Variants in SCN8A observed in about 807,000 individuals in gnomAD.
SCN8A encodes sodium channel protein type 8 subunit alpha.
In SCN8A, 30 loss-of-function variants were observed where a neutral mutation model predicts 184.1. That is an observed-to-expected ratio of 0.16 (90% CI 0.12 to 0.22). SCN8A has a LOEUF of 0.22. Ranked by LOEUF, SCN8A falls within the 10% of genes least tolerant of loss-of-function variation. The probability of loss-of-function intolerance (pLI) is 1.00; values close to 1 mark genes in which losing one functional copy is unlikely to be tolerated. For synonymous variants in SCN8A, 852 were observed against 907.0 expected, an observed-to-expected ratio of 0.94 and a Z score of 1.09; for missense variants, 1,057 against 2,498.9, an observed-to-expected ratio of 0.42 and a Z score of 12.30.
At chr12:51,783,501 G>A (rs1013077229) in intron 21 of SCN8A, among the ~76,000 whole-genome samples, 5 of 152,108 alleles carry the variant, frequency 3.3e-5, no homozygotes, top group East Asian at 3.8e-4. Context: ...CCTGTCCTGG[G>A]GCACTGACTT....
chr12:51,604,833 CCA>C (rs1939550666), intron 1 of SCN8A, among the ~76,000 whole-genome samples: 2 of 152,018 alleles, frequency 1.3e-5, no homozygotes, highest in South Asian at 4.1e-4. Flanking sequence ...GTACCAGGCT[CCA>C]GTGTTTTTTT....
intron 16 of SCN8A, among the ~76,000 whole-genome samples, chr12:51,767,279 CA>C (rs1036570973): frequency 2.0e-5 from 3 of 152,174 alleles, no homozygotes; most frequent in Admixed American, 2.0e-4. Flanking sequence ...GTCTCAAAGA[CA>C]TCTCCCCATG....
intron 13 of SCN8A, among the ~76,000 whole-genome samples, chr12:51,749,214 A>G (rs1359161931): frequency 1.3e-5 from 2 of 152,160 alleles, no homozygotes; most frequent in African/African-American, 2.4e-5. Flanking sequence ...TAGGCGTGAA[A>G]GTTTATCCTG....
At chr12:51,712,137 A>G (rs1941888212) in intron 11 of SCN8A, among the ~76,000 whole-genome samples, 1 of 152,224 alleles carries the variant, frequency 6.6e-6, no homozygotes, top group Non-Finnish European at 1.5e-5. Flanking sequence ...TTTACAGGGC[A>G]ATATACCTGA....
chr12:51,739,412 C>A (rs1352555485), intron 12 of SCN8A, among the ~76,000 whole-genome samples: 1 of 152,104 alleles, frequency 6.6e-6, no homozygotes, highest in Non-Finnish European at 1.5e-5. Context: ...TCCGGGGGGT[C>A]ATTTTCTTCA....
chr12:51,716,194 C>T (rs1486918835), intron 11 of SCN8A, among the ~76,000 whole-genome samples: 4 of 151,960 alleles, frequency 2.6e-5, no homozygotes, highest in Non-Finnish European at 4.4e-5. Flanking sequence ...ATTAGCCAGG[C>T]GTGGTATGGC....
At chr12:51,602,120 T>C (rs1211255471) in intron 1 of SCN8A, among the ~76,000 whole-genome samples, 1 of 152,074 alleles carries the variant, frequency 6.6e-6, no homozygotes, top group Non-Finnish European at 1.5e-5. Context: ...TTGTGGGAAT[T>C]GAATGCTGAC....
At position 51,773,129 on chromosome 12, in the gene SCN8A, AAG is replaced by A. The variant is rs1039772771; in HGVS notation, c.3646-1054_3646-1053del. Among the ~76,000 whole-genome samples the A allele has an allele frequency of 3.3e-5, 5 of 152,118 alleles. No individual in the cohort carries two copies. The East Asian group carries it at 9.6e-4, about 29-fold the overall frequency. On this transcript the variant is annotated intron_variant, in intron 19 of 26. Transcript: ENST00000627620. Reference sequence around the variant, plus strand: ...GAGACTCCGTCTCCAAAAAAAAAAAAAGAGAGAAAGTGGAGCACCTGATATCC... The same window carrying A: ...GAGACTCCGTCTCCAAAAAAAAAAAAAGAGAAAGTGGAGCACCTGATATCC...
intron 1 of SCN8A, among the ~76,000 whole-genome samples, chr12:51,616,877 C>T (rs1271552121): frequency 6.6e-6 from 1 of 151,790 alleles, no homozygotes. Context: ...CATGATCATG[C>T]CACTGCACTC....
At chr12:51,705,355 A>C in intron 9 of SCN8A, 62 bp from the exon 10 acceptor site, 1 of 1,511,334 alleles carries the variant, frequency 6.6e-7, no homozygotes, top group South Asian at 1.2e-5. Flanking sequence ...TTGGCCCATT[A>C]GCTGTTTTCA....
At chr12:51,711,592 T>G (rs1401131313) in intron 11 of SCN8A, among the ~76,000 whole-genome samples, 2 of 152,226 alleles carry the variant, frequency 1.3e-5, no homozygotes, top group Non-Finnish European at 2.9e-5. Context: ...CACCCCTTCT[T>G]TATTCCTGCA....
At position 51,806,544 on chromosome 12, in the gene SCN8A, C is replaced by T. The variant is rs906103979; in HGVS notation, c.5058C>T (p.Phe1686=). ...VKHEAGIDDM[F]NFETFGNSMI... is the part of the protein sequence containing the mutation. Reference sequence around the variant, plus strand: ...ACGAGGCTGGTATCGATGACATGTTCAACTTTGAGACATTTGGCAACAGCA... The same window carrying T: ...ACGAGGCTGGTATCGATGACATGTTTAACTTTGAGACATTTGGCAACAGCA... Residue 1686 remains phenylalanine, a synonymous_variant, in exon 27 of 27, where the codon TTC becomes TTT. Coordinates refer to ENST00000627620, the MANE Select transcript of SCN8A (RefSeq NM_001330260.2). This position sits in a 1 kb window ranked among gnomAD's most constrained non-coding sequence, Gnocchi z 8.7. The T allele has an allele frequency of 6.2e-7, 1 of 1,614,172 alleles. No homozygotes were observed. Among genetic ancestry groups the T allele is most frequent in the Non-Finnish European group, 8.5e-7 (1 of 1,180,038 alleles).
At chr12:51,667,922 G>A (rs1334946841) in intron 2 of SCN8A, among the ~76,000 whole-genome samples, 2 of 152,084 alleles carry the variant, frequency 1.3e-5, no homozygotes, top group East Asian at 1.9e-4. Context: ...GGTGGTTCAC[G>A]CCTGTAATCC....
chr12:51,663,194 G>A (rs549736474), intron 2 of SCN8A, 101 bp downstream of exon 2: 72 of 1,354,318 alleles, frequency 5.3e-5, no homozygotes, highest in Admixed American at 1.5e-4. Context: ...GTTTGGATAA[G>A]TAGTTAACCT....
chr12:51,675,017 A>G (rs141132799), intron 2 of SCN8A, among the ~76,000 whole-genome samples: 92 of 152,356 alleles, frequency 6.0e-4, no homozygotes, highest in African/African-American at 2.1e-3. Flanking sequence ...AGATTCTAGA[A>G]TATGAATTCA....
Position 51,705,631 on chromosome 12 carries a change from A to T in SCN8A, c.1341+8A>T. 6.2e-7 allele frequency: 1 copy of T among 1,610,142 alleles called. No homozygotes were observed. The highest frequency in any genetic ancestry group is 1.1e-5 in the South Asian group (1 of 90,174). On this transcript the variant is annotated splice_region_variant and intron_variant, in intron 10 of 26. Coordinates refer to ENST00000627620, the MANE Select transcript of SCN8A (RefSeq NM_001330260.2). ...CAACAGGAAGAGGCACAGGTTGGTGATGAATTCTTTGCAATAGACCTTCCT... is the reference window on the plus strand; with the variant it reads ...CAACAGGAAGAGGCACAGGTTGGTGTTGAATTCTTTGCAATAGACCTTCCT...
chr12:51,703,677 T>C (rs1941730004), intron 9 of SCN8A, among the ~76,000 whole-genome samples: 2 of 152,254 alleles, frequency 1.3e-5, no homozygotes, highest in Non-Finnish European at 2.9e-5. Flanking sequence ...GATTGCTAAG[T>C]GTCTTACAGC....
chr12:51,774,093 C>A, intron 19 of SCN8A, 96 bp from the exon 20 acceptor site: 2 of 1,074,216 alleles, frequency 1.9e-6, no homozygotes, highest in South Asian at 1.7e-5. Flanking sequence ...TGATGACAGG[C>A]CAGCCCATGT....
intron 6 of SCN8A, 149 bp downstream of exon 6, chr12:51,689,245 C>T (rs972546539): frequency 1.2e-5 from 8 of 669,600 alleles, no homozygotes; most frequent in East Asian, 5.5e-5. Flanking sequence ...CTGGAATGGC[C>T]GTTGGGTCCT....
Sources: allele counts gnomAD v4.1 joint callset (sites outside exome capture counted in the v4.1 genomes callset), GRCh38; gene constraint gnomAD v4.1.1; non-coding constraint Gnocchi (gnomAD v3.1); transcripts MANE v1.5; gene names NCBI Gene and HGNC (gene_info 2026-07-23, HGNC 2026-07-21).